Variants in SLC26A8 observed in about 807,000 individuals in gnomAD.
The protein encoded by SLC26A8 is solute carrier family 26 member 8, also known as testis anion transporter 1.
In SLC26A8, 70 loss-of-function variants were observed where a neutral mutation model predicts 105.0. The ratio of observed to expected loss-of-function variants is 0.67; its 90% confidence interval spans 0.55 to 0.81. SLC26A8 has a LOEUF of 0.81. SLC26A8 is among the 40% of genes least tolerant of loss of function. SLC26A8 has a pLI of 0.00. For missense variants in SLC26A8, 998 were observed against 1,181.8 expected (o/e 0.84, Z 2.28); for synonymous variants, 415 against 438.3 (o/e 0.95, Z 0.66).
chr6:35,992,806 CTCTT>C, intron 5 of SLC26A8, 132 bp from the exon 6 acceptor site: 3 of 880,090 alleles, frequency 3.4e-6, no homozygotes, highest in Non-Finnish European at 5.0e-6. Context: ...TCTTGTAACT[CTCTT>C]TCCCTAATGA....
intron 7 of SLC26A8, 132 bp downstream of exon 7, chr6:35,991,527 C>A: frequency 1.0e-5 from 6 of 584,410 alleles, no homozygotes; most frequent in South Asian, 5.2e-5. Context: ...AAAAAGAAAA[C>A]AAGCATGTTT....
rs2208672 is a variant in SLC26A8, at chr6:35,981,923, G to A, written c.1025+198C>T. ...GATAAGGGGATGGGTTCAACTATGA[G>A]AAGAGAGACAGAGGCTGACCAGAGA... On this transcript the variant is annotated intron_variant, in intron 8 of 19. Coordinates refer to ENST00000490799, the MANE Select transcript of SLC26A8 (RefSeq NM_052961.4). This position sits in a 1 kb window ranked among gnomAD's most constrained non-coding sequence, Gnocchi z 4.0. Among the ~76,000 whole-genome samples, 3,022 of 152,312 alleles carry A rather than the reference G, an allele frequency of 0.02. 72 individuals carry two copies. The highest frequency in any genetic ancestry group is 0.068 in the African/African-American group (2,816 of 41,564).
At chr6:35,992,387 T>A (rs1581674292) in intron 6 of SLC26A8, 123 bp downstream of exon 6, 6 of 949,550 alleles carry the variant, frequency 6.3e-6, no homozygotes, top group Non-Finnish European at 7.6e-6. Context: ...CCCTCTTGAC[T>A]GAGCTGCCTA....
chr6:35,950,042 C>T (rs1156873363), intron 19 of SLC26A8, among the ~76,000 whole-genome samples: 1 of 152,154 alleles, frequency 6.6e-6, no homozygotes, highest in African/African-American at 2.4e-5. Flanking sequence ...AGTGATTCGC[C>T]TGCCTTGGCC....
At chr6:35,996,816 C>T (rs966017229) in intron 5 of SLC26A8, among the ~76,000 whole-genome samples, 3 of 152,090 alleles carry the variant, frequency 2.0e-5, no homozygotes, top group Non-Finnish European at 2.9e-5. Flanking sequence ...GGGTGGATCA[C>T]CCGAGGTCAG....
chr6:36,012,495 T>C, intron 2 of SLC26A8, 123 bp from the exon 3 acceptor site: 1 of 1,057,942 alleles, frequency 9.5e-7, no homozygotes, highest in Non-Finnish European at 1.3e-6. Context: ...TAATGAGAGT[T>C]TGACATATTG....
rs3800369 is a variant in SLC26A8 at position 35,998,033 on chromosome 6, C to T, written c.446-114G>A. 459,929 of 996,528 alleles carry T rather than the reference C, an allele frequency of 0.46. 108,083 individuals are homozygous for T. The highest frequency in any genetic ancestry group is 0.56 in the South Asian group (33,827 of 59,990). 61.7% of individuals were successfully genotyped at this position (996,528 alleles called of 1,614,324 possible). A position where few individuals can be genotyped will look rare whatever the true frequency, so the allele number is the denominator to read the frequency against. On this transcript the variant is annotated intron_variant, in intron 4 of 19. Transcript: ENST00000490799. ...TGTCCTTCAACTGAATAACTTTTCT[C>T]ATTTGAAAGTGGCCATTGAGAAGTA...
At chr6:35,982,745 T>TGTA (rs1248666712) in intron 7 of SLC26A8, among the ~76,000 whole-genome samples, 2 of 152,202 alleles carry the variant, frequency 1.3e-5, no homozygotes, top group African/African-American at 4.8e-5. Context: ...CCAGGTACAT[T>TGTA]GTAGTAATAC....
chr6:35,959,533 C>T lies in SLC26A8; in HGVS notation c.1790G>A (p.Ser597Asn). 3 of 1,614,066 alleles carry T rather than the reference C, an allele frequency of 1.9e-6. No homozygotes were observed. Among genetic ancestry groups the T allele is most frequent in the Non-Finnish European group, 2.5e-6 (3 of 1,179,984 alleles). Residue 597 changes from serine to asparagine, a missense_variant, in exon 16 of 20, where the codon AGT (serine) becomes AAT (asparagine). Ser to Asn is a conservative substitution (Grantham distance 46). Coordinates refer to ENST00000490799, the MANE Select transcript of SLC26A8 (RefSeq NM_052961.4). ...CTTTCCTCCTTGTAGATTGGTGTCA[C>T]TTGAATTAAACAAGCTGAAAATTTC... ...EEEIFSLFNS[S>N]DTNLQGGKIC...
At chr6:35,956,266 C>T (rs778813753) in intron 16 of SLC26A8, among the ~76,000 whole-genome samples, 3 of 150,582 alleles carry the variant, frequency 2.0e-5, no homozygotes, top group Non-Finnish European at 4.4e-5. Context: ...CCCTGTCGTG[C>T]CCCCCTGCCC....
intron 19 of SLC26A8, among the ~76,000 whole-genome samples, chr6:35,946,011 C>T (rs1167822526): frequency 6.6e-6 from 1 of 152,228 alleles, no homozygotes; most frequent in African/African-American, 2.4e-5. Flanking sequence ...TACTGGACTT[C>T]TAGATGTTGG....
chr6:35,987,122 A>G lies in SLC26A8; in HGVS notation c.942+4537T>C, dbSNP rs192324117. On this transcript the variant is annotated intron_variant, in intron 7 of 19. Transcript: ENST00000490799. ...AAGAATATGCACCTCTACAAGAACT[A>G]GGTAACAGTTATAAGAAAGTTTAGT... is the stretch of plus-strand genomic sequence containing the variant. 3.3e-5 allele frequency among the ~76,000 whole-genome samples: 5 copies of G among 152,352 alleles called. No individual in the cohort carries two copies. The East Asian group carries it at 9.6e-4, about 29-fold the overall frequency.
chr6:36,017,019 A>G (rs1762011284), intron 2 of SLC26A8, among the ~76,000 whole-genome samples: 1 of 152,106 alleles, frequency 6.6e-6, no homozygotes, highest in Non-Finnish European at 1.5e-5. Flanking sequence ...TAAAAATGCA[A>G]AAATTAGCTG....
At chr6:36,011,300 C>T (rs1761850196) in intron 3 of SLC26A8, among the ~76,000 whole-genome samples, 1 of 152,148 alleles carries the variant, frequency 6.6e-6, no homozygotes, top group Non-Finnish European at 1.5e-5. Context: ...TCCATCTGGA[C>T]CAAGAGGACT....
chr6:35,986,302 G>A (rs1193217828), intron 7 of SLC26A8, among the ~76,000 whole-genome samples: 1 of 152,122 alleles, frequency 6.6e-6, no homozygotes, highest in Non-Finnish European at 1.5e-5. Flanking sequence ...CCAAAGTGCT[G>A]AAATTACAGG....
At chr6:35,970,420 T>C (rs949747863) in intron 10 of SLC26A8, among the ~76,000 whole-genome samples, 1 of 152,124 alleles carries the variant, frequency 6.6e-6, no homozygotes, top group African/African-American at 2.4e-5. Flanking sequence ...ATGAGAGTAG[T>C]GTAGGAAGTA....
intron 12 of SLC26A8, among the ~76,000 whole-genome samples, chr6:35,961,342 C>T (rs1772301510): frequency 6.6e-6 from 1 of 152,144 alleles, no homozygotes; most frequent in African/African-American, 2.4e-5. Flanking sequence ...CTTCAATTTC[C>T]TCATGTGCAA....
Position 35,991,573 on chromosome 6 carries a change from T to C in SLC26A8, c.942+86A>G, listed in dbSNP as rs7762801. The C allele has an allele frequency of 4.2e-3, 4,538 of 1,084,230 alleles. 99 individuals are homozygous for C. Among genetic ancestry groups the C allele is most frequent in the East Asian group, 0.039 (1,397 of 36,076 alleles). The allele number at this position is 1,084,230 out of a possible 1,614,324, so 67.2% of individuals were successfully genotyped here. ...AAGCATATATTGAAAACTAAATGTA[T>C]TCAGCTTTTACACAATTCAACTCAG... On this transcript the variant is annotated intron_variant, in intron 7 of 19. Transcript: ENST00000490799.
chr6:35,963,443 C>T (rs1772389922), intron 11 of SLC26A8, among the ~76,000 whole-genome samples: 1 of 152,182 alleles, frequency 6.6e-6, no homozygotes, highest in South Asian at 2.1e-4. Context: ...AAGGAAAACC[C>T]ACCATAGCGC....
Sources: gnomAD v4.1 joint callset for allele counts (sites outside exome capture counted in the v4.1 genomes callset) on GRCh38, gnomAD v4.1.1 for gene constraint, Gnocchi (gnomAD v3.1) non-coding constraint, MANE v1.5 for transcripts, NCBI Gene and HGNC (gene_info 2026-07-23, HGNC 2026-07-21) for gene names.